The following TAFA1 variants were observed in gnomAD, a reference collection of about 807,000 sequenced individuals.
TAFA1 encodes the protein TAFA chemokine like family member 1.
Under a neutral mutation model 18.5 loss-of-function variants are expected in TAFA1, and 4 were observed. That is an observed-to-expected ratio of 0.22 (90% CI 0.11 to 0.49). The LOEUF is 0.49. Among genes scored for constraint, TAFA1 ranks in the 20% least tolerant of loss-of-function variants. TAFA1 has a pLI of 0.98. For synonymous variants in TAFA1, 56 were observed against 55.2 expected (o/e 1.01, Z -0.06); for missense variants, 147 against 169.0 (o/e 0.87, Z 0.72).
chr3:68,332,543 A>G (rs561513100), intron 2 of TAFA1, among the ~76,000 whole-genome samples: 2 of 152,320 alleles, frequency 1.3e-5, no homozygotes, highest in South Asian at 2.1e-4. Context: ...AAAATATAAG[A>G]AACTCATGCA....
intron 2 of TAFA1, among the ~76,000 whole-genome samples, chr3:68,189,631 A>T (rs13064879): frequency 0.14 from 22,006 of 151,844 alleles, 1,902 homozygotes; most frequent in Middle Eastern, 0.2. Flanking sequence ...TGAGAAGTAT[A>T]GTGGGTAAGT....
chr3:68,477,374 A>T (rs1479748868), intron 3 of TAFA1, among the ~76,000 whole-genome samples: 9 of 151,520 alleles, frequency 5.9e-5, no homozygotes, highest in African/African-American at 1.7e-4. Flanking sequence ...TAGTGCTTTT[A>T]AAAAAAAATT....
chr3:68,093,945 G>A (rs1200091547), intron 2 of TAFA1, among the ~76,000 whole-genome samples: 2 of 151,956 alleles, frequency 1.3e-5, no homozygotes, highest in South Asian at 2.1e-4. Flanking sequence ...TGGAAAGGAA[G>A]TTTTTGCAAT....
chr3:68,538,970 C>T, intron 4 of TAFA1, 90 bp downstream of exon 4: 2 of 1,368,140 alleles, frequency 1.5e-6, no homozygotes, highest in Non-Finnish European at 2.0e-6. Context: ...AGAAGCTTTG[C>T]ACAGGAGAGA....
At chr3:68,334,450 T>G (rs1036705001) in intron 2 of TAFA1, among the ~76,000 whole-genome samples, 10 of 152,086 alleles carry the variant, frequency 6.6e-5, no homozygotes, top group Admixed American at 1.3e-4. Flanking sequence ...TAGGGAAAGC[T>G]AGATCTTTCA....
chr3:68,136,554 A>G (rs972022349), intron 2 of TAFA1, among the ~76,000 whole-genome samples: 7 of 152,084 alleles, frequency 4.6e-5, no homozygotes, highest in African/African-American at 1.7e-4. Flanking sequence ...CTTTACCTGG[A>G]ACGGCTTCTC....
intron 2 of TAFA1, among the ~76,000 whole-genome samples, chr3:68,217,284 T>C (rs542248777): frequency 8.5e-5 from 13 of 152,070 alleles, no homozygotes; most frequent in Middle Eastern, 3.2e-3. Context: ...AATCATAGTT[T>C]ATCTCTGTGG....
chr3:68,127,047 C>G (rs778469308), intron 2 of TAFA1, among the ~76,000 whole-genome samples: 4 of 152,164 alleles, frequency 2.6e-5, no homozygotes, highest in Non-Finnish European at 5.9e-5. Flanking sequence ...AGATAAAATG[C>G]ATACACTAGA....
At chr3:68,356,924 C>G (rs547400299) in intron 2 of TAFA1, among the ~76,000 whole-genome samples, 1 of 152,016 alleles carries the variant, frequency 6.6e-6, no homozygotes, top group African/African-American at 2.4e-5. Context: ...ACTAGCACAG[C>G]TAGTATCTGG....
intron 3 of TAFA1, among the ~76,000 whole-genome samples, chr3:68,510,290 G>A (rs2072825963): frequency 6.6e-6 from 1 of 152,128 alleles, no homozygotes; most frequent in South Asian, 2.1e-4. Flanking sequence ...TGTTAACTTG[G>A]CCATCTCCCC....
intron 2 of TAFA1, among the ~76,000 whole-genome samples, chr3:68,366,529 G>A (rs565016020): frequency 1.8e-4 from 27 of 152,114 alleles, no homozygotes; most frequent in Admixed American, 1.6e-3. Flanking sequence ...AAGGGACTTC[G>A]CTGGGTGGAA....
chr3:68,441,970 G>A (rs767673662), intron 3 of TAFA1, among the ~76,000 whole-genome samples: 2 of 152,138 alleles, frequency 1.3e-5, no homozygotes, highest in Non-Finnish European at 2.9e-5. Context: ...ATGGCCAGAT[G>A]TGTGATTATA....
chr3:68,036,955 C>G (rs567858772), intron 2 of TAFA1, among the ~76,000 whole-genome samples: 4 of 152,188 alleles, frequency 2.6e-5, no homozygotes, highest in Admixed American at 2.6e-4. Context: ...AGTGCTAAGT[C>G]CCTCACCAGG....
chr3:68,543,634 C>T (rs765418954), intron 4 of TAFA1, among the ~76,000 whole-genome samples: 2 of 152,100 alleles, frequency 1.3e-5, no homozygotes, highest in Non-Finnish European at 2.9e-5. Flanking sequence ...CCTCAGAACA[C>T]TCAACTTCTA....
At chr3:68,486,365 G>A (rs1455689276) in intron 3 of TAFA1, among the ~76,000 whole-genome samples, 1 of 152,032 alleles carries the variant, frequency 6.6e-6, no homozygotes, top group Non-Finnish European at 1.5e-5. Context: ...GCCACTCCCT[G>A]TGGTCTGAAA....
rs890235932 is a variant in TAFA1, at chr3:68,483,311, T to C, written c.260-55445T>C. 1.6e-4 allele frequency among the ~76,000 whole-genome samples: 23 copies of C among 139,916 alleles called. 1 individual carries two copies. The highest frequency in any genetic ancestry group is 7.2e-5 in the Admixed American group (1 of 13,896). 91.8% of individuals were successfully genotyped at this position (139,916 alleles called of 152,430 possible). A position where few individuals can be genotyped will look rare whatever the true frequency, so the allele number is the denominator to read the frequency against. On this transcript the variant is annotated intron_variant, in intron 3 of 4. Coordinates refer to ENST00000478136, the MANE Select transcript of TAFA1 (RefSeq NM_213609.4). ...CTTTGTTGACCAAGTATGGTCTCTT[T>C]CAAAGCTATTCAACTGTACTCTCGT...
At chr3:68,307,792 GA>G (rs1289196736) in intron 2 of TAFA1, among the ~76,000 whole-genome samples, 1 of 151,726 alleles carries the variant, frequency 6.6e-6, no homozygotes, top group African/African-American at 2.4e-5. Context: ...GAACTAGAAA[GA>G]CATAAGGGGT....
chr3:68,506,472 G>GACACACACACACACAC (rs55813351), intron 3 of TAFA1, among the ~76,000 whole-genome samples: 3,155 of 150,834 alleles, frequency 0.021, 64 homozygotes, highest in East Asian at 0.082. Flanking sequence ...CACACACAGA[G>GACACACACACACACAC]ACACACACAC....
At chr3:68,344,205 T>C (rs1046844898) in intron 2 of TAFA1, among the ~76,000 whole-genome samples, 8 of 152,190 alleles carry the variant, frequency 5.3e-5, no homozygotes, top group South Asian at 2.1e-4. Context: ...TCTCAAATAA[T>C]GTATATTTTT....
Sources: allele counts gnomAD v4.1 joint callset (sites outside exome capture counted in the v4.1 genomes callset), GRCh38; gene constraint gnomAD v4.1.1; transcripts MANE v1.5; gene names NCBI Gene and HGNC (gene_info 2026-07-23, HGNC 2026-07-21).